WWC2: variants seen among roughly 807,000 people sequenced by gnomAD.
The protein encoded by WWC2 is protein WWC2.
WWC2 carries 101 observed loss-of-function variants against 138.5 expected under a neutral mutation model. The ratio of observed to expected loss-of-function variants is 0.73; its 90% CI spans 0.62 to 0.86. WWC2 has a LOEUF of 0.86. Among genes scored for constraint, WWC2 ranks in the 40% least tolerant of loss-of-function variants. The probability of loss-of-function intolerance (pLI) is 0.00; values close to 1 mark genes in which losing one functional copy is unlikely to be tolerated. For synonymous variants in WWC2, 558 were observed against 538.4 expected (o/e 1.04, Z -0.50); for missense variants, 1,420 against 1,419.4 (o/e 1.00, Z -0.01).
intron 4 of WWC2, among the ~76,000 whole-genome samples, chr4:183,214,990 T>G (rs1408838420): frequency 6.6e-6 from 1 of 152,192 alleles, no homozygotes; most frequent in Non-Finnish European, 1.5e-5. Context: ...AAGGTTATTC[T>G]TAGGATATTT....
chr4:183,266,848 T>G (rs1180857864), intron 14 of WWC2, among the ~76,000 whole-genome samples: 1 of 152,318 alleles, frequency 6.6e-6, no homozygotes, highest in Non-Finnish European at 1.5e-5. Context: ...ATAGAGTATA[T>G]TCCTTAGTGA....
chr4:183,292,249 C>G (rs529956921), intron 21 of WWC2, among the ~76,000 whole-genome samples: 2 of 151,718 alleles, frequency 1.3e-5, no homozygotes, highest in South Asian at 2.1e-4. Context: ...CACACAAACA[C>G]ACAGACACAC....
intron 21 of WWC2, among the ~76,000 whole-genome samples, chr4:183,290,180 C>G (rs1484947378): frequency 6.6e-6 from 1 of 151,962 alleles, no homozygotes; most frequent in Admixed American, 6.5e-5. Flanking sequence ...TTTCACCCTA[C>G]AAATAGGTAT....
At chr4:183,158,645 T>C (rs936139839) in intron 1 of WWC2, among the ~76,000 whole-genome samples, 3 of 151,910 alleles carry the variant, frequency 2.0e-5, no homozygotes, top group Non-Finnish European at 4.4e-5. Flanking sequence ...AGCACGAATT[T>C]TGGGGGACAC....
chr4:183,250,077 G>A (rs1736927713), intron 8 of WWC2, 84 bp downstream of exon 8: 3 of 1,259,932 alleles, frequency 2.4e-6, no homozygotes, highest in African/African-American at 1.5e-5. Context: ...GACATCTGCT[G>A]GGCACTCCCC....
chr4:183,188,064 T>C (rs1233482307), intron 1 of WWC2, among the ~76,000 whole-genome samples: 1 of 152,158 alleles, frequency 6.6e-6, no homozygotes, highest in Non-Finnish European at 1.5e-5. Flanking sequence ...TTTCAAAATA[T>C]TGAGTAACTG....
At chr4:183,191,429 TGTTTA>T (rs1442258016) in intron 1 of WWC2, among the ~76,000 whole-genome samples, 1 of 152,250 alleles carries the variant, frequency 6.6e-6, no homozygotes, top group Non-Finnish European at 1.5e-5. Flanking sequence ...GGTGTTATAC[TGTTTA>T]GTTCTCATCT....
chr4:183,312,914 G>T (rs1014167339), intron 22 of WWC2, among the ~76,000 whole-genome samples: 1 of 152,186 alleles, frequency 6.6e-6, no homozygotes, highest in African/African-American at 2.4e-5. Flanking sequence ...GCAGGGATAG[G>T]CGGGTAACCA....
Position 183,269,019 on chromosome 4 carries a change from G to C in WWC2, c.2256G>C (p.Leu752=), listed in dbSNP as rs774090828. The change falls in exon 15 of 23, where the codon CTG becomes CTC. Residue 752 remains leucine (L), a synonymous_variant. Transcript: ENST00000403733. ...CTTCCTCAACTGATGTCAGCTGTCTGTTTCGCACAAAAGTTCATCCGCCCA... is the reference window on the plus strand; with the variant it reads ...CTTCCTCAACTGATGTCAGCTGTCTCTTTCGCACAAAAGTTCATCCGCCCA... ...VLPSSTDVSC[L]FRTKVHPPTE... is the part of the protein sequence containing the mutation. The C allele has an allele frequency of 9.9e-6, 16 of 1,613,756 alleles. No individual in the cohort carries two copies. The highest frequency in any genetic ancestry group is 1.3e-5 in the African/African-American group (1 of 74,926).
At chr4:183,108,531 CA>C (rs774595638) in intron 1 of WWC2, among the ~76,000 whole-genome samples, 12 of 152,046 alleles carry the variant, frequency 7.9e-5, no homozygotes, top group African/African-American at 1.9e-4. Context: ...TAATGTGTCC[CA>C]GGGGTGGAGG....
intron 4 of WWC2, among the ~76,000 whole-genome samples, chr4:183,226,560 A>C (rs1045036296): frequency 1.3e-5 from 2 of 152,086 alleles, no homozygotes; most frequent in Non-Finnish European, 2.9e-5. Flanking sequence ...GGAACAGACT[A>C]AACTGAAAGA....
intron 1 of WWC2, among the ~76,000 whole-genome samples, chr4:183,163,871 C>A (rs923284806): frequency 6.6e-6 from 1 of 152,030 alleles, no homozygotes. Flanking sequence ...AGAATTGAAT[C>A]ATCAAATAAG....
At chr4:183,103,638 CTTTTT>C (rs576659490) in intron 1 of WWC2, among the ~76,000 whole-genome samples, 3 of 120,280 alleles carry the variant, frequency 2.5e-5, no homozygotes, top group Non-Finnish European at 5.2e-5. Flanking sequence ...TTGTGTTTCT[CTTTTT>C]TTTTTTTTTT....
Position 183,312,225 on chromosome 4 carries a change from G to A in WWC2, c.3385-116G>A, listed in dbSNP as rs540481739. On this transcript the variant is annotated intron_variant, in intron 21 of 22. Coordinates refer to ENST00000403733, the MANE Select transcript of WWC2 (RefSeq NM_024949.6). ...TGATAAAAAGGACACCAGCCCACTG[G>A]CTGCCTTGCTTGCCCTCCTGACTTT... 1.1e-5 allele frequency: 16 copies of A among 1,421,878 alleles called. No homozygotes were observed. In the South Asian group the frequency reaches 1.9e-4, roughly 16 times the overall value. The allele number at this position is 1,421,878 out of a possible 1,614,324, so 88.1% of individuals were successfully genotyped here.
In WWC2 at chr4:183,316,308, T is replaced by C. The variant is rs924301158; in HGVS notation, c.*579T>C. ...GGTTTCCTTAAGACAATTTCCTTTTTGTCCTTTTATATTTTTCTAAAGAAA... is the reference window on the plus strand; with the variant it reads ...GGTTTCCTTAAGACAATTTCCTTTTCGTCCTTTTATATTTTTCTAAAGAAA... On this transcript the variant is annotated 3_prime_UTR_variant, in exon 23 of 23. Transcript: ENST00000403733. 1.3e-5 allele frequency: 2 copies of C among 152,304 alleles called. No individual in the cohort carries two copies. The highest frequency in any genetic ancestry group is 2.9e-5 in the Non-Finnish European group (2 of 68,106). The allele number at this position is 152,304 out of a possible 1,614,324, so 9.4% of individuals were successfully genotyped here.
chr4:183,203,917 A>T (rs1178048396), intron 2 of WWC2, among the ~76,000 whole-genome samples: 1 of 152,220 alleles, frequency 6.6e-6, no homozygotes, highest in Admixed American at 6.5e-5. Context: ...TATGAGTAGT[A>T]CAGTCCAAGA....
intron 4 of WWC2, among the ~76,000 whole-genome samples, chr4:183,230,150 C>T (rs1736199688): frequency 1.3e-5 from 2 of 151,894 alleles, no homozygotes; most frequent in African/African-American, 2.4e-5. Flanking sequence ...TTAAGAGTGG[C>T]AGGGTCTCGC....
In WWC2 at chr4:183,116,607, G is replaced by A. The variant is rs527243795; in HGVS notation, c.131+16985G>A. The stretch of plus-strand genomic sequence containing the variant: ...GCCTTTGGCCGCCTCCCTGGCTTTG[G>A]AAGATAGAGCCTCCTTCAGGATTTA... On this transcript the variant is annotated intron_variant, in intron 1 of 22. Transcript: ENST00000403733. Among the ~76,000 whole-genome samples the A allele has an allele frequency of 3.5e-4, 54 of 152,202 alleles. 1 individual carries two copies. Among genetic ancestry groups the A allele is most frequent in the Non-Finnish European group, 6.6e-4 (45 of 68,038 alleles).
intron 4 of WWC2, among the ~76,000 whole-genome samples, chr4:183,219,807 T>G (rs1735871090): frequency 6.6e-6 from 1 of 152,334 alleles, no homozygotes; most frequent in African/African-American, 2.4e-5. Context: ...TTTCCAATCC[T>G]CCAAGGTTTT....
Sources: allele counts gnomAD v4.1 joint callset (sites outside exome capture counted in the v4.1 genomes callset), GRCh38; gene constraint gnomAD v4.1.1; transcripts MANE v1.5; gene names NCBI Gene and HGNC (gene_info 2026-07-23, HGNC 2026-07-21).